The following SPG11 variants were observed in gnomAD, a reference collection of about 807,000 sequenced individuals.
SPG11 encodes the protein spatacsin.
In SPG11, 222 loss-of-function variants were observed where a neutral mutation model predicts 274.0. The ratio of observed to expected loss-of-function variants is 0.81; its 90% CI spans 0.73 to 0.91. SPG11 has a LOEUF of 0.91. SPG11 is among the 40% of genes least tolerant of loss of function. The pLI is 0.00. For missense variants in SPG11, 3,114 were observed against 2,872.7 expected (o/e 1.08, Z -1.92); for synonymous variants, 1,144 against 1,039.7 (o/e 1.10, Z -1.93).
At position 44,632,517 on chromosome 15, in the gene SPG11, AT is replaced by A. The variant is rs544008892; in HGVS notation, c.1735+987del. Reference sequence around the variant, plus strand: ...CAAAAAAGCAGAGAAGTCTGGGTGAATTTTTTTTTTTTTTTTGAGAGTCGTA... The same window carrying A: ...CAAAAAAGCAGAGAAGTCTGGGTGAATTTTTTTTTTTTTTTGAGAGTCGTA... On this transcript the variant is annotated intron_variant, in intron 8 of 39. Coordinates refer to ENST00000261866, the MANE Select transcript of SPG11 (RefSeq NM_025137.4). 8.2e-3 allele frequency among the ~76,000 whole-genome samples: 1,163 copies of A among 142,462 alleles called. 2 individuals carry two copies. The highest frequency in any genetic ancestry group is 9.8e-3 in the Non-Finnish European group (633 of 64,646). 93.5% of individuals were successfully genotyped at this position (142,462 alleles called of 152,430 possible).
chr15:44,613,542 T>C lies in SPG11; in HGVS notation c.3039-6A>G, dbSNP rs766714923. On this transcript the variant is annotated splice_region_variant and splice_polypyrimidine_tract_variant and intron_variant, in intron 16 of 39. Coordinates refer to ENST00000261866, the MANE Select transcript of SPG11 (RefSeq NM_025137.4). ...GACAATTTTCAGGACTAAGTCTGTA[T>C]ATAAAACAAACAAAAACCTTCTTTG... The C allele has an allele frequency of 1.9e-6, 3 of 1,589,316 alleles. No individual in the cohort carries two copies. Among genetic ancestry groups the C allele is most frequent in the Non-Finnish European group, 2.6e-6 (3 of 1,157,796 alleles).
intron 8 of SPG11, among the ~76,000 whole-genome samples, chr15:44,629,839 G>A (rs1302277134): frequency 6.6e-6 from 1 of 151,638 alleles, no homozygotes; most frequent in African/African-American, 2.4e-5. Flanking sequence ...GGGAGGCCAA[G>A]GCAAGCAGAT....
intron 27 of SPG11, among the ~76,000 whole-genome samples, chr15:44,589,661 A>G (rs2082853573): frequency 6.6e-6 from 1 of 152,220 alleles, no homozygotes; most frequent in African/African-American, 2.4e-5. Context: ...ATAGAGCTGC[A>G]TGTGTGAAAA....
At chr15:44,608,379 G>C (rs956149578) in intron 19 of SPG11, 65 bp downstream of exon 19, 4 of 1,531,488 alleles carry the variant, frequency 2.6e-6, no homozygotes, top group Non-Finnish European at 3.6e-6. Context: ...GAAAGATCTA[G>C]AGTGATTTCT....
At chr15:44,604,875 CCGAGAT>C (rs1158802835) in intron 20 of SPG11, among the ~76,000 whole-genome samples, 3 of 139,682 alleles carry the variant, frequency 2.1e-5, no homozygotes, top group Middle Eastern at 3.8e-3. Context: ...TTGCAGCGAG[CCGAGAT>C]CGAGATCGTG....
intron 39 of SPG11, 41 bp from the exon 40 acceptor site, chr15:44,563,342 T>TTTG: frequency 6.4e-7 from 1 of 1,566,892 alleles, no homozygotes; most frequent in Non-Finnish European, 8.8e-7. Flanking sequence ...GATACTGTTT[T>TTTG]TTGTTTTGTT....
At chr15:44,573,991 CTT>C (rs1385960989) in intron 31 of SPG11, among the ~76,000 whole-genome samples, 1 of 152,146 alleles carries the variant, frequency 6.6e-6, no homozygotes, top group Non-Finnish European at 1.5e-5. Context: ...TTGTTGGACA[CTT>C]ATTTTTTTGG....
intron 35 of SPG11, among the ~76,000 whole-genome samples, chr15:44,568,354 G>A (rs2082350124): frequency 6.6e-6 from 1 of 152,210 alleles, no homozygotes; most frequent in East Asian, 1.9e-4. Flanking sequence ...TCCAGGACTT[G>A]CTCCTCACTT....
rs2085026425 is a variant in SPG11 at position 44,659,095 on chromosome 15, A to G, written c.651T>C (p.Ser217=). The change falls in exon 3 of 40, where the codon AGT becomes AGC. Residue 217 remains serine, a synonymous_variant. Transcript: ENST00000261866. ...QLCRGILFVL[S]SLGWIYIFDV... Reference sequence around the variant, plus strand: ...CAAGGATACAGATCCAGCCTAAACTACTCAAAACAAAAAGAATTCCTCTGC... The same window carrying G: ...CAAGGATACAGATCCAGCCTAAACTGCTCAAAACAAAAAGAATTCCTCTGC... The G allele has an allele frequency of 6.2e-7, 1 of 1,614,070 alleles. No individual in the cohort carries two copies. The highest frequency in any genetic ancestry group is 1.7e-5 in the Admixed American group (1 of 60,010).
rs752401008 is a variant in SPG11, at chr15:44,584,209, C to T, written c.5471G>A (p.Arg1824Gln). The change falls in exon 30 of 40, where the codon CGA becomes CAA. Residue 1824 changes from arginine (R) to glutamine (Q), a missense_variant. Transcript: ENST00000261866. ...AAGTTCACCACTAGTTGAGATCTGT[C>T]GAGAAAATCTGGGCTCTGTTTCCTC... is the stretch of plus-strand genomic sequence containing the variant. ...NQEETEPRFS[R>Q]QISTSGELSF... 8.6e-5 allele frequency: 139 copies of T among 1,614,058 alleles called. 1 individual carries two copies. Among genetic ancestry groups the T allele is most frequent in the South Asian group, 8.2e-4 (75 of 91,082 alleles).
chr15:44,563,008 G>A lies in SPG11; in HGVS notation c.*113C>T. 9.6e-7 allele frequency: 1 copy of A among 1,046,150 alleles called. No homozygotes were observed. Among genetic ancestry groups the A allele is most frequent in the Non-Finnish European group, 1.5e-6 (1 of 687,630 alleles). The allele number at this position is 1,046,150 out of a possible 1,614,324, so 64.8% of individuals were successfully genotyped here. A position where few individuals can be genotyped will look rare whatever the true frequency, so the allele number is the denominator to read the frequency against. On this transcript the variant is annotated 3_prime_UTR_variant, in exon 40 of 40. Transcript: ENST00000261866. ...CCTACTACCCACAAAGGACTGATAT[G>A]GTACAGTACCGGGATTGTTCAACTT...
intron 23 of SPG11, 122 bp downstream of exon 23, chr15:44,598,140 AAAG>A (rs986390690): frequency 1.4e-5 from 10 of 704,394 alleles, no homozygotes; most frequent in African/African-American, 3.5e-5. Context: ...CATGCTAGAT[AAAG>A]AAGAAGATAA....
At chr15:44,632,584 C>T (rs1374788465) in intron 8 of SPG11, among the ~76,000 whole-genome samples, 1 of 150,656 alleles carries the variant, frequency 6.6e-6, no homozygotes, top group Non-Finnish European at 1.5e-5. Context: ...AATCATAGAT[C>T]ACTGCAGCCT....
At chr15:44,575,527 C>T (rs1270852647) in intron 30 of SPG11, among the ~76,000 whole-genome samples, 1 of 146,382 alleles carries the variant, frequency 6.8e-6, no homozygotes, top group African/African-American at 2.5e-5. Context: ...TGGAGTCTTG[C>T]TCTGTCACCC....
chr15:44,622,452 A>G, intron 12 of SPG11, 105 bp from the exon 13 acceptor site: 1 of 1,012,152 alleles, frequency 9.9e-7, no homozygotes, highest in South Asian at 1.6e-5. Flanking sequence ...ATTAAAGATT[A>G]TTAAAAAAAG....
chr15:44,630,302 G>A (rs1387425430), intron 8 of SPG11, among the ~76,000 whole-genome samples: 2 of 152,174 alleles, frequency 1.3e-5, no homozygotes, highest in Non-Finnish European at 2.9e-5. Context: ...CCCTAGGGGA[G>A]CAGGTAAGGC....
Position 44,595,255 on chromosome 15 carries a change from C to T in SPG11, c.4635+4G>A, listed in dbSNP as rs756735797. On this transcript the variant is annotated splice_donor_region_variant and intron_variant, in intron 26 of 39. Coordinates refer to ENST00000261866, the MANE Select transcript of SPG11 (RefSeq NM_025137.4). ...CTGGAAAGAAGTGAAGCAACTATCA[C>T]TACCTTAAAGAAAAGCTGGAAACCT... The T allele has an allele frequency of 6.2e-7, 1 of 1,613,884 alleles. No individual in the cohort carries two copies. The highest frequency in any genetic ancestry group is 1.3e-5 in the African/African-American group (1 of 74,932).
chr15:44,575,275 C>T (rs1439754931), intron 30 of SPG11: 3 of 522,362 alleles, frequency 5.7e-6, no homozygotes, highest in East Asian at 6.8e-5. Flanking sequence ...ATCAAGGCCA[C>T]CTAATGAGTG....
In SPG11 at chr15:44,663,632, C is replaced by T. The variant is rs200573434; in HGVS notation, c.16G>A (p.Gly6Arg). Residue 6 changes from glycine (G) to arginine (R), a missense_variant, in exon 1 of 40, where the codon GGG becomes AGG. Coordinates refer to ENST00000261866, the MANE Select transcript of SPG11 (RefSeq NM_025137.4). MAAEE[G>R]VASAASAGGS... ...CCGGCGGAAGCAGCACTCGCGACCC[C>T]TTCCTCTGCAGCCATCTTGGCCCGG... 3,285 of 1,595,546 alleles carry T rather than the reference C, an allele frequency of 2.1e-3. 5 individuals carry two copies. The highest frequency in any genetic ancestry group is 2.5e-3 in the Non-Finnish European group (2,997 of 1,176,504).
Sources: gnomAD v4.1 joint callset for allele counts (sites outside exome capture counted in the v4.1 genomes callset) on GRCh38, gnomAD v4.1.1 for gene constraint, MANE v1.5 for transcripts, NCBI Gene and HGNC (gene_info 2026-07-23, HGNC 2026-07-21) for gene names.